CDC14A: variants seen among roughly 807,000 people sequenced by gnomAD.
CDC14A encodes the protein cell division cycle 14A.
In CDC14A, 53 loss-of-function variants were observed where a neutral mutation model predicts 74.4. The observed-to-expected ratio is 0.71, with a 90% CI of 0.57 to 0.89. The LOEUF is 0.89. Among genes scored for constraint, CDC14A ranks in the 40% least tolerant of loss-of-function variants. The pLI, the probability that CDC14A is intolerant of heterozygous loss-of-function variation, is 0.00. For missense variants in CDC14A, 646 were observed against 713.7 expected, an observed-to-expected ratio of 0.91 and a Z score of 1.08; for synonymous variants, 247 against 258.4, an observed-to-expected ratio of 0.96 and a Z score of 0.43.
At chr1:100,459,393 GC>G (rs1667098734) in intron 8 of CDC14A, among the ~76,000 whole-genome samples, 1 of 152,184 alleles carries the variant, frequency 6.6e-6, no homozygotes, top group Non-Finnish European at 1.5e-5. Flanking sequence ...TATGTGAAGT[GC>G]CTTGCAGAGT....
At chr1:100,461,350 T>A (rs1206480620) in intron 8 of CDC14A, among the ~76,000 whole-genome samples, 1 of 152,204 alleles carries the variant, frequency 6.6e-6, no homozygotes, top group Non-Finnish European at 1.5e-5. Flanking sequence ...AGAGTCGGCT[T>A]GGAGCTGAGA....
intron 8 of CDC14A, among the ~76,000 whole-genome samples, chr1:100,462,153 A>T (rs1483631663): frequency 6.6e-6 from 1 of 152,234 alleles, no homozygotes; most frequent in Non-Finnish European, 1.5e-5. Context: ...ATTTGAAATG[A>T]TACGCAATTG....
intron 3 of CDC14A, among the ~76,000 whole-genome samples, chr1:100,384,251 A>G (rs1244329706): frequency 6.6e-6 from 1 of 152,214 alleles, no homozygotes; most frequent in African/African-American, 2.4e-5. Flanking sequence ...AGTATTTATG[A>G]TATACACTTA....
intron 15 of CDC14A, among the ~76,000 whole-genome samples, chr1:100,505,967 G>A (rs531080984): frequency 9.9e-5 from 15 of 152,102 alleles, no homozygotes; most frequent in East Asian, 3.9e-4. Context: ...GAGGATGTGC[G>A]AGGCTCTTTT....
In CDC14A at chr1:100,424,304, A is replaced by G; in HGVS notation, c.389+3A>G. On this transcript the variant is annotated splice_donor_region_variant and intron_variant, in intron 5 of 15. Transcript: ENST00000336454. ...AACCCCCCCTATCTTCCATTCAGGT[A>G]TAACTCCTGGTGAGACTTGGGTTAA... The G allele has an allele frequency of 6.2e-7, 1 of 1,609,970 alleles. No homozygotes were observed. Among genetic ancestry groups the G allele is most frequent in the Non-Finnish European group, 8.5e-7 (1 of 1,176,294 alleles).
intron 2 of CDC14A, among the ~76,000 whole-genome samples, chr1:100,358,769 A>C (rs959027560): frequency 4.6e-5 from 7 of 152,224 alleles, no homozygotes; most frequent in Non-Finnish European, 1.0e-4. Flanking sequence ...TAGAAAAATG[A>C]TTTCTTTTAT....
intron 4 of CDC14A, among the ~76,000 whole-genome samples, chr1:100,407,308 C>T (rs1236030120): frequency 2.0e-5 from 3 of 152,024 alleles, no homozygotes; most frequent in Non-Finnish European, 2.9e-5. Context: ...GCCATTTTCA[C>T]GATATTGATT....
At chr1:100,352,486 G>A (rs1318900627), upstream of CDC14A, 3 of 1,026,360 alleles carry the variant, frequency 2.9e-6, no homozygotes, top group Non-Finnish European at 3.5e-6. Context: ...GCTGAAAGGA[G>A]GTGGCGAAGG....
intron 4 of CDC14A, among the ~76,000 whole-genome samples, chr1:100,397,324 C>T (rs1418386205): frequency 2.0e-5 from 3 of 152,152 alleles, no homozygotes; most frequent in Non-Finnish European, 4.4e-5. Flanking sequence ...ATGGAAGGCT[C>T]AGATTTAAGA....
chr1:100,362,147 T>G (rs1479328142), intron 2 of CDC14A, among the ~76,000 whole-genome samples: 1 of 151,980 alleles, frequency 6.6e-6, no homozygotes, highest in Admixed American at 6.6e-5. Flanking sequence ...TATAATGGAG[T>G]CTTTGTCTTT....
At chr1:100,415,466 A>G (rs1334544800) in intron 4 of CDC14A, among the ~76,000 whole-genome samples, 1 of 152,200 alleles carries the variant, frequency 6.6e-6, no homozygotes, top group Non-Finnish European at 1.5e-5. Context: ...AGTGATGTCT[A>G]TAGAGACCTG....
At chr1:100,454,812 T>C (rs934262941) in intron 7 of CDC14A, among the ~76,000 whole-genome samples, 1 of 152,168 alleles carries the variant, frequency 6.6e-6, no homozygotes, top group African/African-American at 2.4e-5. Flanking sequence ...CCTGACTCTA[T>C]GTATGTCCCT....
At chr1:100,488,801 A>G (rs1415020063) in intron 11 of CDC14A, among the ~76,000 whole-genome samples, 2 of 152,238 alleles carry the variant, frequency 1.3e-5, no homozygotes, top group African/African-American at 2.4e-5. Flanking sequence ...AGAAAAATCT[A>G]TGAAGTAAAA....
At chr1:100,424,370 G>T in intron 5 of CDC14A, 69 bp downstream of exon 5, 1 of 1,076,108 alleles carries the variant, frequency 9.3e-7, no homozygotes, top group Non-Finnish European at 1.4e-6. Context: ...TTGGGTTGTA[G>T]TGTTTTTTAA....
At chr1:100,360,124 T>A (rs1233629331) in intron 2 of CDC14A, among the ~76,000 whole-genome samples, 1 of 149,332 alleles carries the variant, frequency 6.7e-6, no homozygotes, top group Non-Finnish European at 1.5e-5. Context: ...TTTTTTTTTT[T>A]TTGTATTTTT....
intron 4 of CDC14A, among the ~76,000 whole-genome samples, chr1:100,417,736 CCCA>C (rs1223917436): frequency 7.2e-5 from 11 of 152,294 alleles, no homozygotes; most frequent in Non-Finnish European, 1.3e-4. Context: ...TTTGGGCATT[CCCA>C]CTATAGTTGT....
At chr1:100,492,864 A>ATG (rs959678597) in intron 11 of CDC14A, among the ~76,000 whole-genome samples, 2 of 128,216 alleles carry the variant, frequency 1.6e-5, no homozygotes, top group African/African-American at 5.7e-5. Context: ...GTGTGTGTGT[A>ATG]TGTGTGTGTG....
At chr1:100,465,681 A>G (rs1667732918) in intron 9 of CDC14A, among the ~76,000 whole-genome samples, 1 of 152,242 alleles carries the variant, frequency 6.6e-6, no homozygotes, top group South Asian at 2.1e-4. Context: ...ACTAGAAACC[A>G]ATTTGCTGGG....
In CDC14A at chr1:100,354,727, T is replaced by C. The variant is rs17122315; in HGVS notation, c.140+875T>C. On this transcript the variant is annotated intron_variant, in intron 2 of 15. Coordinates refer to ENST00000336454, the MANE Select transcript of CDC14A (RefSeq NM_003672.4). The stretch of plus-strand genomic sequence containing the variant: ...TCAGAGGAGTCTAATATATTCTATT[T>C]TAAACGTTTAAATTACTTGTTATCT... Among the ~76,000 whole-genome samples the C allele has an allele frequency of 8.3e-3, 1,272 of 152,352 alleles. 17 individuals carry two copies. Among genetic ancestry groups the C allele is most frequent in the African/African-American group, 0.03 (1,229 of 41,570 alleles).
Sources: gnomAD v4.1 joint callset for allele counts (sites outside exome capture counted in the v4.1 genomes callset) on GRCh38, gnomAD v4.1.1 for gene constraint, MANE v1.5 for transcripts, NCBI Gene and HGNC (gene_info 2026-07-23, HGNC 2026-07-21) for gene names.